CCDC192: variants seen among roughly 807,000 people sequenced by gnomAD.
The protein encoded by CCDC192 is coiled-coil domain containing 192.
intron 5 of CCDC192, among the ~76,000 whole-genome samples, chr5:127,805,902 A>T (rs1286594874): frequency 4.6e-5 from 7 of 152,164 alleles, no homozygotes; most frequent in Non-Finnish European, 1.0e-4. Flanking sequence ...ATCATAGAAG[A>T]ATAGCAGAAG....
chr5:127,937,265 C>G (rs1754212168), intron 6 of CCDC192, among the ~76,000 whole-genome samples: 2 of 152,004 alleles, frequency 1.3e-5, no homozygotes, highest in Admixed American at 1.3e-4. Context: ...TTTTCAGCAT[C>G]TACTCTACCC....
intron 6 of CCDC192, among the ~76,000 whole-genome samples, chr5:127,880,929 G>C (rs1197468647): frequency 1.3e-5 from 2 of 152,132 alleles, no homozygotes; most frequent in Admixed American, 1.3e-4. Context: ...GCAGTGAGCC[G>C]AGATTGCACC....
intron 6 of CCDC192, among the ~76,000 whole-genome samples, chr5:127,875,923 C>T (rs1752058293): frequency 6.6e-6 from 1 of 151,898 alleles, no homozygotes. Flanking sequence ...TGAGAAGTGT[C>T]ACTGCACAAG....
chr5:127,844,679 C>A (rs961826146), intron 5 of CCDC192, among the ~76,000 whole-genome samples: 2 of 152,132 alleles, frequency 1.3e-5, no homozygotes, highest in Non-Finnish European at 2.9e-5. Context: ...ATTTTGGGGA[C>A]GCAGCAGGAT....
chr5:127,722,146 T>A (rs866877084), intron 2 of CCDC192, among the ~76,000 whole-genome samples: 6 of 152,236 alleles, frequency 3.9e-5, no homozygotes, highest in African/African-American at 1.2e-4. Flanking sequence ...GTCTTTTGGA[T>A]AAAGGCCATT....
intron 3 of CCDC192, among the ~76,000 whole-genome samples, chr5:127,757,460 C>T (rs1754662330): frequency 6.6e-6 from 1 of 151,998 alleles, no homozygotes; most frequent in Admixed American, 6.5e-5. Flanking sequence ...ACACTGTTGT[C>T]AGAGGATTTA....
At position 127,885,115 on chromosome 5, in the gene CCDC192, G is replaced by GT. The variant is rs199981073; in HGVS notation, c.535+9457dup. On this transcript the variant is annotated intron_variant, in intron 6 of 6. Transcript: ENST00000514853. ...TAGGAATGGTACTTTTTGTTTGTTT[G>GT]TTTAAAAAAAAAAAGTCTTCTTCCC... Among the ~76,000 whole-genome samples the GT allele has an allele frequency of 5.4e-5, 4 of 74,064 alleles. No individual in the cohort carries two copies. In the East Asian group the frequency reaches 8.6e-4, roughly 16 times the overall value. 48.6% of individuals were successfully genotyped at this position (74,064 alleles called of 152,430 possible).
intron 6 of CCDC192, among the ~76,000 whole-genome samples, chr5:127,888,871 C>A (rs1012306555): frequency 3.3e-5 from 5 of 152,130 alleles, no homozygotes; most frequent in African/African-American, 1.2e-4. Context: ...AGGGGCTAAT[C>A]TTTTCTTTTT....
Position 127,703,455 on chromosome 5 carries a change from T to C in CCDC192, c.10T>C (p.Cys4Arg), listed in dbSNP as rs775189714. ...GTGGGTCTGGCTTGAGATGGGACAA[T>C]GCTATAGCAAGAAATCTGTGGTCCC... MGQ[C>R]YSKKSVVPES... Residue 4 changes from cysteine to arginine, a missense_variant, in exon 1 of 7, where the codon TGC becomes CGC. By Grantham distance (180) the Cys-to-Arg change is radical. Transcript: ENST00000514853. The C allele has an allele frequency of 5.0e-6, 2 of 398,824 alleles. No individual in the cohort carries two copies. Among genetic ancestry groups the C allele is most frequent in the Non-Finnish European group, 8.8e-6 (2 of 226,048 alleles). The allele number at this position is 398,824 out of a possible 1,614,324, so 24.7% of individuals were successfully genotyped here. A position where few individuals can be genotyped will look rare whatever the true frequency, so the allele number is the denominator to read the frequency against.
intron 2 of CCDC192, among the ~76,000 whole-genome samples, chr5:127,719,928 C>T (rs1043823591): frequency 6.6e-6 from 1 of 151,952 alleles, no homozygotes; most frequent in Non-Finnish European, 1.5e-5. Flanking sequence ...CCCCCCGATC[C>T]AATCATCTCC....
At chr5:127,751,044 C>G (rs1401937574) in intron 2 of CCDC192, among the ~76,000 whole-genome samples, 120 of 147,400 alleles carry the variant, frequency 8.1e-4, no homozygotes, top group African/African-American at 2.9e-3. Context: ...ATACAGCACA[C>G]TGATGGGTCT....
At chr5:127,850,965 T>C (rs537040187) in intron 5 of CCDC192, among the ~76,000 whole-genome samples, 7 of 152,056 alleles carry the variant, frequency 4.6e-5, no homozygotes, top group Admixed American at 2.0e-4. Context: ...GACTCCATCT[T>C]GAAAAACAAC....
chr5:127,801,809 G>A (rs985980070), intron 5 of CCDC192, among the ~76,000 whole-genome samples: 10 of 152,180 alleles, frequency 6.6e-5, no homozygotes, highest in African/African-American at 9.7e-5. Context: ...GAATTGGGTA[G>A]AAATCAGAAC....
Position 127,788,629 on chromosome 5 carries a change from T to C in CCDC192, c.223-8474T>C, listed in dbSNP as rs1353930751. Among the ~76,000 whole-genome samples the C allele has an allele frequency of 1.4e-4, 22 of 152,236 alleles. 1 individual carries two copies. The highest frequency in any genetic ancestry group is 1.4e-3 in the Admixed American group (22 of 15,288). On this transcript the variant is annotated intron_variant, in intron 3 of 6. Transcript: ENST00000514853. ...CAATACTATCTTCTTTTGTGTTTGA[T>C]TGATATTTTCTAGTGTTCCATTTTG...
chr5:127,746,148 C>T (rs774741356), intron 2 of CCDC192, among the ~76,000 whole-genome samples: 11 of 152,200 alleles, frequency 7.2e-5, no homozygotes, highest in Non-Finnish European at 1.3e-4. Context: ...CTCACTGCAG[C>T]TGGAGTGAAG....
chr5:127,858,186 C>A (rs1175098048), intron 5 of CCDC192, among the ~76,000 whole-genome samples: 3 of 152,106 alleles, frequency 2.0e-5, no homozygotes, highest in Non-Finnish European at 4.4e-5. Context: ...TCCTATTGAC[C>A]ACCTGCATAA....
chr5:127,842,452 A>G (rs2127066349), intron 5 of CCDC192, among the ~76,000 whole-genome samples: 1 of 152,270 alleles, frequency 6.6e-6, no homozygotes, highest in East Asian at 1.9e-4. Flanking sequence ...TCCTGGGCTC[A>G]AGCAATCCTC....
chr5:127,714,085 A>G (rs779572327), intron 2 of CCDC192, among the ~76,000 whole-genome samples: 4 of 152,178 alleles, frequency 2.6e-5, no homozygotes, highest in Admixed American at 2.0e-4. Context: ...AAGTAAGATT[A>G]TGCAGTATTT....
chr5:127,919,435 A>AAACTC (rs1554085934), intron 6 of CCDC192, among the ~76,000 whole-genome samples: 1 of 151,716 alleles, frequency 6.6e-6, no homozygotes, highest in African/African-American at 2.4e-5. Flanking sequence ...ACGAAAAAAA[A>AAACTC]CTTCCAGAAC....
Sources: gnomAD v4.1 joint callset for allele counts (sites outside exome capture counted in the v4.1 genomes callset) on GRCh38, gnomAD v4.1.1 for gene constraint, MANE v1.5 for transcripts, NCBI Gene and HGNC (gene_info 2026-07-23, HGNC 2026-07-21) for gene names.